Variants in GABRG1 observed in about 807,000 individuals in gnomAD.
GABRG1 encodes gamma-aminobutyric acid receptor subunit gamma-1.
Under a neutral mutation model 49.8 loss-of-function variants are expected in GABRG1, and 49 were observed. The observed-to-expected ratio is 0.98, with a 90% confidence interval of 0.78 to 1.25. The LOEUF is 1.25. Ranked by LOEUF, GABRG1 falls within the 50% of genes most tolerant of loss-of-function variation. GABRG1 has a pLI of 0.00. For missense variants in GABRG1, 552 were observed against 552.3 expected (o/e 1.00, Z 0.01); for synonymous variants, 232 against 185.1 (o/e 1.25, Z -2.06).
intron 3 of GABRG1, among the ~76,000 whole-genome samples, chr4:46,079,984 A>G (rs1445372034): frequency 6.6e-6 from 1 of 151,922 alleles, no homozygotes; most frequent in African/African-American, 2.4e-5. Context: ...AACCATATAT[A>G]AAATTGAACA....
intron 5 of GABRG1, among the ~76,000 whole-genome samples, chr4:46,062,797 GC>G (rs1288656504): frequency 6.6e-6 from 1 of 152,134 alleles, no homozygotes; most frequent in Non-Finnish European, 1.5e-5. Context: ...ATCTCCTTAA[GC>G]TGATAAGCAA....
chr4:46,048,400 AAG>A, intron 8 of GABRG1, among the ~76,000 whole-genome samples: 1 of 150,730 alleles, frequency 6.6e-6, no homozygotes, highest in East Asian at 2.0e-4. Context: ...GGAAGGAAGG[AAG>A]GAAGGAAGGA....
At chr4:46,062,651 T>A (rs1428948626) in intron 5 of GABRG1, among the ~76,000 whole-genome samples, 6 of 152,188 alleles carry the variant, frequency 3.9e-5, no homozygotes, top group African/African-American at 4.8e-5. Flanking sequence ...TTTTCATGTG[T>A]CTTTTGGCTG....
At chr4:46,067,816 A>C (rs1196598826) in intron 3 of GABRG1, among the ~76,000 whole-genome samples, 1 of 152,142 alleles carries the variant, frequency 6.6e-6, no homozygotes, top group Non-Finnish European at 1.5e-5. Flanking sequence ...GTAGATGTTT[A>C]ATCATCTTAT....
At chr4:46,105,791 T>TAGATGATA (rs1553883516) in intron 1 of GABRG1, among the ~76,000 whole-genome samples, 4,599 of 144,542 alleles carry the variant, frequency 0.032, 206 homozygotes, top group African/African-American at 0.099. Context: ...GGTAGATAGA[T>TAGATGATA]GATAGATAGA....
rs917222635 is a variant in GABRG1, at chr4:46,036,694, G to C, written c.*4294C>G. ...CTGAAGACTTGTGTCACAAGAGTAC[G>C]GATTTCATCCTCATATTAGCCACTA... On this transcript the variant is annotated 3_prime_UTR_variant, in exon 9 of 9. Transcript: ENST00000295452. 6.6e-6 allele frequency: 1 copy of C among 151,868 alleles called. No homozygotes were observed. The highest frequency in any genetic ancestry group is 1.5e-5 in the Non-Finnish European group (1 of 67,878). 9.4% of individuals were successfully genotyped at this position (151,868 alleles called of 1,614,324 possible).
At chr4:46,058,090 C>A in intron 7 of GABRG1, 127 bp downstream of exon 7, 1 of 761,546 alleles carries the variant, frequency 1.3e-6, no homozygotes, top group Non-Finnish European at 2.0e-6. Flanking sequence ...TCCCTTAGTT[C>A]CTGTCAATTT....
intron 8 of GABRG1, 22 bp downstream of exon 8, chr4:46,051,402 G>T: frequency 6.5e-7 from 1 of 1,537,284 alleles, no homozygotes; most frequent in African/African-American, 1.4e-5. Context: ...TTATAAAATA[G>T]AAATTTTTCT....
At chr4:46,086,619 T>C (rs937240803) in intron 2 of GABRG1, among the ~76,000 whole-genome samples, 1 of 151,600 alleles carries the variant, frequency 6.6e-6, no homozygotes, top group Non-Finnish European at 1.5e-5. Flanking sequence ...GTCCCACTTA[T>C]TCAGATATTG....
chr4:46,117,590 T>TTTCTGTC (rs1385032204), intron 1 of GABRG1, among the ~76,000 whole-genome samples: 82 of 130,288 alleles, frequency 6.3e-4, no homozygotes, highest in African/African-American at 2.3e-3. Context: ...CTGTCTCTCT[T>TTTCTGTC]TGTCTCTCTC....
chr4:46,069,010 C>A (rs775683961), intron 3 of GABRG1, among the ~76,000 whole-genome samples: 2 of 152,006 alleles, frequency 1.3e-5, no homozygotes, highest in African/African-American at 2.4e-5. Context: ...GTGAAGTGAG[C>A]CATTTTGATT....
chr4:46,060,983 G>A (rs895955511), intron 5 of GABRG1, among the ~76,000 whole-genome samples: 3 of 151,928 alleles, frequency 2.0e-5, no homozygotes, highest in Non-Finnish European at 4.4e-5. Context: ...TTCTCTACTG[G>A]ACCCATGTAG....
chr4:46,107,385 TCTTA>T (rs1720585280), intron 1 of GABRG1, among the ~76,000 whole-genome samples: 1 of 151,196 alleles, frequency 6.6e-6, no homozygotes, highest in African/African-American at 2.4e-5. Flanking sequence ...TGATTATACA[TCTTA>T]CTATTTAATA....
rs368085522 is a variant in GABRG1 at position 46,078,542 on chromosome 4, A to G, written c.321+5444T>C. Among the ~76,000 whole-genome samples, 6 of 151,928 alleles carry G rather than the reference A, an allele frequency of 3.9e-5. No individual in the cohort carries two copies. In the East Asian group the frequency reaches 9.7e-4, roughly 24 times the overall value. On this transcript the variant is annotated intron_variant, in intron 3 of 8. Coordinates refer to ENST00000295452, the MANE Select transcript of GABRG1 (RefSeq NM_173536.4). Reference sequence around the variant, plus strand: ...AGAGATCAGCCTATGGAATGCCGGAACCAATTGCATGAACCACCCTAGAAA... The same window carrying G: ...AGAGATCAGCCTATGGAATGCCGGAGCCAATTGCATGAACCACCCTAGAAA...
At position 46,123,767 on chromosome 4, in the gene GABRG1, G is replaced by A. The variant is rs770350951; in HGVS notation, c.104+43C>T. ...AAAGAAAGGGGAATAAGGGGAAAGG[G>A]GTAGATAGCAAAGAATAGTTTTAAA... On this transcript the variant is annotated intron_variant, in intron 1 of 8. Coordinates refer to ENST00000295452, the MANE Select transcript of GABRG1 (RefSeq NM_173536.4). 8.8e-6 allele frequency: 12 copies of A among 1,371,094 alleles called. No individual in the cohort carries two copies. The South Asian group carries it at 1.1e-4, about 12-fold the overall frequency. 84.9% of individuals were successfully genotyped at this position (1,371,094 alleles called of 1,614,324 possible).
At chr4:46,109,607 A>G (rs754763322) in intron 1 of GABRG1, among the ~76,000 whole-genome samples, 2 of 151,172 alleles carry the variant, frequency 1.3e-5, no homozygotes, top group East Asian at 2.0e-4. Context: ...GCGATGTTAC[A>G]TAATTAAATT....
At chr4:46,085,559 TTTGATCTGATCC>T (rs1719726129) in intron 2 of GABRG1, among the ~76,000 whole-genome samples, 1 of 151,564 alleles carries the variant, frequency 6.6e-6, no homozygotes, top group African/African-American at 2.4e-5. Flanking sequence ...TGAGATGCTA[TTTGATCTGATCC>T]TTGAATCTGC....
At chr4:46,101,564 T>G (rs1228864167) in intron 1 of GABRG1, among the ~76,000 whole-genome samples, 1 of 151,658 alleles carries the variant, frequency 6.6e-6, no homozygotes. Flanking sequence ...TAATACCGTG[T>G]ACTAAAAATG....
At position 46,064,435 on chromosome 4, in the gene GABRG1, A is replaced by C; in HGVS notation, c.625+6T>G. On this transcript the variant is annotated splice_donor_region_variant and intron_variant, in intron 5 of 8. Transcript: ENST00000295452. The stretch of plus-strand genomic sequence containing the variant: ...CTATGAAATTATCAAGTGTTTTGTT[A>C]CTTACAGCTTGAAAATTCCAGTGGA... The C allele has an allele frequency of 6.8e-7, 1 of 1,460,134 alleles. No homozygotes were observed. The highest frequency in any genetic ancestry group is 9.3e-7 in the Non-Finnish European group (1 of 1,080,638). The allele number at this position is 1,460,134 out of a possible 1,614,324, so 90.4% of individuals were successfully genotyped here. A position where few individuals can be genotyped will look rare whatever the true frequency, so the allele number is the denominator to read the frequency against.
Sources: allele counts gnomAD v4.1 joint callset (sites outside exome capture counted in the v4.1 genomes callset), GRCh38; gene constraint gnomAD v4.1.1; transcripts MANE v1.5; gene names NCBI Gene and HGNC (gene_info 2026-07-23, HGNC 2026-07-21).